NBEA: variants seen among roughly 807,000 people sequenced by gnomAD.
The protein encoded by NBEA is lysosomal-trafficking regulator 2.
In NBEA, 44 loss-of-function variants were observed where a neutral mutation model predicts 343.4. The ratio of observed to expected loss-of-function variants is 0.13; its 90% CI spans 0.10 to 0.16. The LOEUF (loss-of-function observed/expected upper bound fraction) is 0.16, where lower values mean the gene tolerates loss of function less well. Among genes scored for constraint, NBEA ranks in the 10% least tolerant of loss-of-function variants. NBEA has a pLI of 1.00. For synonymous variants in NBEA, 1,175 were observed against 1,238.7 expected (o/e 0.95, Z 1.08); for missense variants, 2,555 against 3,631.3 (o/e 0.70, Z 7.62).
At chr13:35,563,828 T>TGTGTATACGTGTGTGTGTA (rs1198917233) in intron 44 of NBEA, among the ~76,000 whole-genome samples, 30 of 151,920 alleles carry the variant, frequency 2.0e-4, no homozygotes, top group African/African-American at 7.2e-4. Context: ...GTGTGTGTAT[T>TGTGTATACGTGTGTGTGTA]TTTAAATAAT....
chr13:35,610,244 TAGTC>T (rs2082445492), intron 48 of NBEA, among the ~76,000 whole-genome samples: 2 of 152,058 alleles, frequency 1.3e-5, no homozygotes, highest in South Asian at 2.1e-4. Flanking sequence ...ATACAAAACT[TAGTC>T]AGGTGTGGTG....
At position 35,655,567 on chromosome 13, in the gene NBEA, T is replaced by G; in HGVS notation, c.8192-12T>G. On this transcript the variant is annotated splice_polypyrimidine_tract_variant and intron_variant, in intron 54 of 58. Coordinates refer to ENST00000379939, the MANE Select transcript of NBEA (RefSeq NM_001385012.1). ...GACTAAATGAAGCAAACCTGTCATTTCTGTGTTGCAGGGAAATTGACTCAG... is the reference window on the plus strand; with the variant it reads ...GACTAAATGAAGCAAACCTGTCATTGCTGTGTTGCAGGGAAATTGACTCAG... 1 of 1,608,688 alleles carries G rather than the reference T, an allele frequency of 6.2e-7. No homozygotes were observed. Among genetic ancestry groups the G allele is most frequent in the Non-Finnish European group, 8.5e-7 (1 of 1,176,486 alleles).
chr13:35,472,657 A>G, intron 41 of NBEA, 121 bp downstream of exon 41: 1 of 930,760 alleles, frequency 1.1e-6, no homozygotes, highest in Non-Finnish European at 1.7e-6. Flanking sequence ...TCTCATAGAA[A>G]ATAAAATGAA....
chr13:35,174,557 A>G (rs1007813632), intron 27 of NBEA, among the ~76,000 whole-genome samples: 3 of 152,046 alleles, frequency 2.0e-5, no homozygotes, highest in Non-Finnish European at 4.4e-5. Flanking sequence ...TATTTATCCT[A>G]TTCGTTGGTT....
rs139688806 is a variant in NBEA, at chr13:35,003,348, A to G, written c.295-37585A>G. 3.8e-3 allele frequency among the ~76,000 whole-genome samples: 576 copies of G among 152,266 alleles called. 3 individuals carry two copies. Among genetic ancestry groups the G allele is most frequent in the African/African-American group, 0.013 (555 of 41,544 alleles). On this transcript the variant is annotated intron_variant, in intron 1 of 58. Coordinates refer to ENST00000379939, the MANE Select transcript of NBEA (RefSeq NM_001385012.1). Reference sequence around the variant, plus strand: ...TCATGCCACTGCACTAGCCTGGGCAACAGAATGAGACCTCATCTTAAAAAA... The same window carrying G: ...TCATGCCACTGCACTAGCCTGGGCAGCAGAATGAGACCTCATCTTAAAAAA...
intron 45 of NBEA, among the ~76,000 whole-genome samples, chr13:35,573,831 A>G (rs17761840): frequency 0.17 from 26,177 of 152,208 alleles, 2,463 homozygotes; most frequent in South Asian, 0.22. Flanking sequence ...TTCACCAGCC[A>G]CATGTCACCT....
intron 1 of NBEA, among the ~76,000 whole-genome samples, chr13:35,025,067 A>G (rs2061971621): frequency 1.3e-5 from 2 of 152,060 alleles, no homozygotes; most frequent in African/African-American, 4.8e-5. Context: ...TAGATTCTAG[A>G]TATTAGACTT....
intron 36 of NBEA, among the ~76,000 whole-genome samples, chr13:35,333,868 CA>C (rs1201450497): frequency 5.9e-5 from 9 of 152,210 alleles, no homozygotes; most frequent in African/African-American, 2.2e-4. Flanking sequence ...TTGCAAATGA[CA>C]GGGTCTCATT....
At chr13:35,236,235 G>A (rs188684950) in intron 34 of NBEA, among the ~76,000 whole-genome samples, 58 of 152,170 alleles carry the variant, frequency 3.8e-4, no homozygotes, top group African/African-American at 1.3e-3. Context: ...AACTATAGTT[G>A]TTTAAAAGAA....
At chr13:35,084,213 G>C (rs1314755759) in intron 10 of NBEA, among the ~76,000 whole-genome samples, 30 of 152,056 alleles carry the variant, frequency 2.0e-4, no homozygotes, top group Admixed American at 1.6e-3. Context: ...ACTCAGCTCT[G>C]CACCAAGCGG....
At chr13:35,083,022 G>A (rs1203082801) in intron 10 of NBEA, among the ~76,000 whole-genome samples, 1 of 152,062 alleles carries the variant, frequency 6.6e-6, no homozygotes, top group African/African-American at 2.4e-5. Context: ...GTATTGCCTA[G>A]GTTTTCTTCT....
chr13:35,650,820 G>A (rs941473280), intron 52 of NBEA, among the ~76,000 whole-genome samples: 2 of 152,176 alleles, frequency 1.3e-5, no homozygotes, highest in Admixed American at 1.3e-4. Context: ...CTCCCAGGAA[G>A]CCGAGGACTC....
intron 34 of NBEA, among the ~76,000 whole-genome samples, chr13:35,286,773 T>TTTTGA (rs2035452465): frequency 6.7e-6 from 1 of 148,452 alleles, no homozygotes; most frequent in Non-Finnish European, 1.5e-5. Context: ...CAGTTTTTTG[T>TTTTGA]TTTGTTTTGT....
chr13:35,604,954 C>A (rs1373640393), intron 47 of NBEA, among the ~76,000 whole-genome samples: 4 of 152,174 alleles, frequency 2.6e-5, no homozygotes, highest in African/African-American at 2.4e-5. Context: ...TTATAACCAT[C>A]TGGTTCTACA....
chr13:35,644,469 G>A (rs1038957413), intron 49 of NBEA, among the ~76,000 whole-genome samples: 10 of 152,154 alleles, frequency 6.6e-5, no homozygotes, highest in African/African-American at 2.2e-4. Flanking sequence ...AAGCATGTTT[G>A]TTGACTAATT....
intron 45 of NBEA, among the ~76,000 whole-genome samples, chr13:35,575,241 T>C (rs1460334916): frequency 3.3e-5 from 5 of 152,218 alleles, no homozygotes; most frequent in African/African-American, 4.8e-5. Context: ...AATTGTGTAC[T>C]GATTTGCTGA....
At chr13:35,127,449 C>T (rs1395732103) in intron 17 of NBEA, among the ~76,000 whole-genome samples, 1 of 152,088 alleles carries the variant, frequency 6.6e-6, no homozygotes, top group Non-Finnish European at 1.5e-5. Flanking sequence ...AATAAATGTT[C>T]ATATTACTGT....
chr13:35,596,052 G>A (rs551109238), intron 47 of NBEA, among the ~76,000 whole-genome samples: 6 of 151,900 alleles, frequency 3.9e-5, no homozygotes, highest in East Asian at 1.9e-4. Context: ...TTTCTTGGTC[G>A]TCTTAGCTTT....
intron 1 of NBEA, among the ~76,000 whole-genome samples, chr13:34,962,256 TTCTC>T (rs1171446778): frequency 1.5e-4 from 23 of 152,164 alleles, no homozygotes; most frequent in Admixed American, 9.2e-4. Context: ...TGCCCTCTTT[TTCTC>T]TCTATGTGTG....
Sources: gnomAD v4.1 joint callset for allele counts (sites outside exome capture counted in the v4.1 genomes callset) on GRCh38, gnomAD v4.1.1 for gene constraint, MANE v1.5 for transcripts, NCBI Gene and HGNC (gene_info 2026-07-23, HGNC 2026-07-21) for gene names.